Variants in RFX3 observed in about 807,000 individuals in gnomAD.
RFX3 encodes the protein transcription factor RFX3.
In RFX3, 14 loss-of-function variants were observed where a neutral mutation model predicts 98.6. That is an observed-to-expected ratio of 0.14 (90% CI 0.09 to 0.22). The LOEUF (loss-of-function observed/expected upper bound fraction) is 0.22, where lower values mean the gene tolerates loss of function less well. RFX3 is among the 10% of genes least tolerant of loss of function. RFX3 has a pLI of 1.00. For synonymous variants in RFX3, 383 were observed against 328.4 expected (o/e 1.17, Z -1.80); for missense variants, 639 against 926.9 (o/e 0.69, Z 4.03).
intron 2 of RFX3, among the ~76,000 whole-genome samples, chr9:3,372,708 C>T (rs1367277887): frequency 6.6e-6 from 1 of 152,010 alleles, no homozygotes; most frequent in Non-Finnish European, 1.5e-5. Context: ...GCCTCAGCCT[C>T]CCGAGCAGCT....
intron 2 of RFX3, among the ~76,000 whole-genome samples, chr9:3,376,651 C>T (rs1354221307): frequency 6.6e-6 from 1 of 152,136 alleles, no homozygotes; most frequent in African/African-American, 2.4e-5. Flanking sequence ...TCAGAGTGAA[C>T]ACGCAACCTA....
At chr9:3,519,698 T>C (rs1818511124) in intron 1 of RFX3, among the ~76,000 whole-genome samples, 1 of 152,180 alleles carries the variant, frequency 6.6e-6, no homozygotes. Context: ...CTCCAAAGCC[T>C]GTTATTCACC....
In RFX3 at chr9:3,312,667, C is replaced by T. The variant is rs756584563; in HGVS notation, c.475-11047G>A. Among the ~76,000 whole-genome samples the T allele has an allele frequency of 4.0e-4, 61 of 151,936 alleles. 2 individuals are homozygous for T. The highest frequency in any genetic ancestry group is 6.9e-3 in the Middle Eastern group (2 of 290). On this transcript the variant is annotated intron_variant, in intron 4 of 16. Transcript: ENST00000617270. ...CTCCCATTGTGAGCAACGCAGAAGA[C>T]GGGTGATTTCTGCATTTCCAACTGA...
chr9:3,290,493 ATT>A (rs1827197724), intron 6 of RFX3, among the ~76,000 whole-genome samples: 1 of 152,218 alleles, frequency 6.6e-6, no homozygotes, highest in Admixed American at 6.5e-5. Context: ...GTTTCAAAAT[ATT>A]GGCACGGTAT....
chr9:3,498,134 T>A lies in RFX3; in HGVS notation c.-9+27613A>T, dbSNP rs558415716. On this transcript the variant is annotated intron_variant, in intron 1 of 16. Coordinates refer to ENST00000617270, the MANE Select transcript of RFX3 (RefSeq NM_001282116.2). ...GAATGTATCTGAATTAATCTCCTTT[T>A]CACGTCTACATTAGCAATCACATAC... Among the ~76,000 whole-genome samples, 64 of 152,124 alleles carry A rather than the reference T, an allele frequency of 4.2e-4. 2 individuals are homozygous for A. In the South Asian group the frequency reaches 0.013, roughly 31 times the overall value.
At chr9:3,246,931 G>A (rs1212273492) in intron 15 of RFX3, 1 of 426,336 alleles carries the variant, frequency 2.3e-6, no homozygotes, top group East Asian at 1.6e-4. Flanking sequence ...AGGCAAGTTT[G>A]ACATGCATTT....
chr9:3,406,235 T>A lies in RFX3; in HGVS notation c.-8-10639A>T, dbSNP rs1841961542. On this transcript the variant is annotated intron_variant, in intron 1 of 16. Transcript: ENST00000617270. ...GCCTCAGCCTCCCAAAATCCTGGGA[T>A]TACAGACATGAGCCACTGACTCGGC... is the stretch of plus-strand genomic sequence containing the variant. Among the ~76,000 whole-genome samples, 4 of 151,986 alleles carry A rather than the reference T, an allele frequency of 2.6e-5. No homozygotes were observed. The South Asian group carries it at 8.3e-4, about 32-fold the overall frequency.
At chr9:3,275,304 C>T (rs1825061526) in intron 9 of RFX3, among the ~76,000 whole-genome samples, 196 bp downstream of exon 9, 1 of 152,064 alleles carries the variant, frequency 6.6e-6, no homozygotes, top group East Asian at 1.9e-4. Flanking sequence ...AAAACTTATT[C>T]TCACTTTTCT....
At chr9:3,414,681 A>T (rs1023052235) in intron 1 of RFX3, among the ~76,000 whole-genome samples, 2 of 129,590 alleles carry the variant, frequency 1.5e-5, no homozygotes, top group East Asian at 2.1e-4. Flanking sequence ...TGTATATATG[A>T]GTATATATGT....
At chr9:3,270,342 G>A in intron 11 of RFX3, 29 bp downstream of exon 11, 1 of 1,586,586 alleles carries the variant, frequency 6.3e-7, no homozygotes, top group Non-Finnish European at 8.6e-7. Flanking sequence ...GAGAACAAAA[G>A]CATCCGTACT....
chr9:3,251,350 T>TA (rs200087734), intron 14 of RFX3, among the ~76,000 whole-genome samples: 44 of 150,764 alleles, frequency 2.9e-4, no homozygotes, highest in South Asian at 8.4e-4. Context: ...AAAAATTAAT[T>TA]ATTTTTTTTT....
intron 1 of RFX3, among the ~76,000 whole-genome samples, chr9:3,470,311 CT>C (rs1157012708): frequency 1.3e-5 from 2 of 150,436 alleles, no homozygotes; most frequent in African/African-American, 4.9e-5. Flanking sequence ...TTCTTTTTTT[CT>C]TTTTCCTTTT....
intron 1 of RFX3, among the ~76,000 whole-genome samples, chr9:3,509,341 A>C (rs953110057): frequency 6.6e-6 from 1 of 152,012 alleles, no homozygotes; most frequent in African/African-American, 2.4e-5. Context: ...TTTAAAATTC[A>C]TAATTAAATG....
intron 7 of RFX3, among the ~76,000 whole-genome samples, chr9:3,287,565 A>G (rs1201405212): frequency 6.6e-6 from 1 of 151,916 alleles, no homozygotes; most frequent in Non-Finnish European, 1.5e-5. Context: ...AGACTGACAT[A>G]TTTTTCAAAT....
intron 1 of RFX3, among the ~76,000 whole-genome samples, chr9:3,481,624 T>A (rs747039515): frequency 6.6e-6 from 1 of 151,750 alleles, no homozygotes; most frequent in African/African-American, 2.4e-5. Flanking sequence ...AAAAGAATCA[T>A]ATTTTTAAAC....
In RFX3 at chr9:3,221,832, A is replaced by G. The variant is rs1189616898; in HGVS notation, c.*3210T>C. On this transcript the variant is annotated 3_prime_UTR_variant, in exon 17 of 17. Transcript: ENST00000617270. ...TGAAAATATCTTTTCTGAAACTTGA[A>G]AACAGTCAACATACCTTCCTTACAT... 3 of 152,310 alleles carry G rather than the reference A, an allele frequency of 2.0e-5. No individual in the cohort carries two copies. Among genetic ancestry groups the G allele is most frequent in the Admixed American group, 1.3e-4 (2 of 15,288 alleles). 9.4% of individuals were successfully genotyped at this position (152,310 alleles called of 1,614,324 possible).
chr9:3,391,849 T>C (rs1392028254), intron 2 of RFX3, among the ~76,000 whole-genome samples: 1 of 152,222 alleles, frequency 6.6e-6, no homozygotes, highest in African/African-American at 2.4e-5. Flanking sequence ...TGGCTTTCCC[T>C]AACTTTAGTA....
intron 2 of RFX3, among the ~76,000 whole-genome samples, chr9:3,383,541 T>A (rs554080547): frequency 3.6e-4 from 54 of 150,062 alleles, no homozygotes; most frequent in African/African-American, 1.3e-3. Context: ...GAATGACTCT[T>A]GGCCAAAAAA....
intron 1 of RFX3, among the ~76,000 whole-genome samples, chr9:3,402,605 T>C (rs191117318): frequency 9.7e-4 from 147 of 152,076 alleles, no homozygotes; most frequent in African/African-American, 3.3e-3. Context: ...AAAATTACTA[T>C]TTTTAAAACA....
Sources: allele counts gnomAD v4.1 joint callset (sites outside exome capture counted in the v4.1 genomes callset), GRCh38; gene constraint gnomAD v4.1.1; transcripts MANE v1.5; gene names NCBI Gene and HGNC (gene_info 2026-07-23, HGNC 2026-07-21).